ZNF100: variants seen among roughly 807,000 people sequenced by gnomAD.
ZNF100 encodes zinc finger protein 100 (Y1).
ZNF100 carries 12 observed loss-of-function variants against 15.8 expected under a neutral mutation model. The observed-to-expected ratio is 0.76, with a 90% CI of 0.49 to 1.23. The LOEUF (loss-of-function observed/expected upper bound fraction) is 1.23, where lower values mean the gene tolerates loss of function less well. ZNF100 is among the 50% of genes most tolerant of loss of function. ZNF100 has a pLI of 0.00. For synonymous variants in ZNF100, 226 were observed against 214.8 expected (o/e 1.05, Z -0.45); for missense variants, 670 against 635.6 (o/e 1.05, Z -0.58).
In ZNF100 at chr19:21,761,583, T is replaced by A. The variant is rs376713926; in HGVS notation, c.96+4111A>T. Among the ~76,000 whole-genome samples the A allele has an allele frequency of 8.5e-5, 13 of 152,288 alleles. No individual in the cohort carries two copies. In the East Asian group the frequency reaches 2.1e-3, roughly 25 times the overall value. Reference sequence around the variant, plus strand: ...ATTCCTTTTATGAAACAAGGTTCCATCAAACCCAATTTAAAAGGCCTATGT... The same window carrying A: ...ATTCCTTTTATGAAACAAGGTTCCAACAAACCCAATTTAAAAGGCCTATGT... On this transcript the variant is annotated intron_variant, in intron 2 of 4. Coordinates refer to ENST00000358296, the MANE Select transcript of ZNF100 (RefSeq NM_173531.4).
intron 2 of ZNF100, among the ~76,000 whole-genome samples, chr19:21,760,043 G>A (rs192116754): frequency 1.3e-5 from 2 of 151,972 alleles, no homozygotes; most frequent in Non-Finnish European, 2.9e-5. Flanking sequence ...TTAGCTGGGC[G>A]TGGTGGCACA....
chr19:21,723,235 C>G lies in ZNF100; in HGVS notation c.*3448G>C, dbSNP rs1442223053. 2 of 151,670 alleles carry G rather than the reference C, an allele frequency of 1.3e-5. No homozygotes were observed. Among genetic ancestry groups the G allele is most frequent in the African/African-American group, 4.8e-5 (2 of 41,266 alleles). The allele number at this position is 151,670 out of a possible 1,614,324, so 9.4% of individuals were successfully genotyped here. A position where few individuals can be genotyped will look rare whatever the true frequency, so the allele number is the denominator to read the frequency against. On this transcript the variant is annotated 3_prime_UTR_variant, in exon 5 of 5. Coordinates refer to ENST00000358296, the MANE Select transcript of ZNF100 (RefSeq NM_173531.4). ...TTCAGCCAGATGTGGTGGCAGGTGC[C>G]TGTAATCCCAGCTACTTGGGAGGCT...
chr19:21,754,626 C>T (rs965895805), intron 2 of ZNF100, among the ~76,000 whole-genome samples: 1 of 151,976 alleles, frequency 6.6e-6, no homozygotes, highest in African/African-American at 2.4e-5. Context: ...CAAAATTATA[C>T]AAAAATTAAC....
At chr19:21,760,038 T>C (rs1036173459) in intron 2 of ZNF100, among the ~76,000 whole-genome samples, 11 of 151,578 alleles carry the variant, frequency 7.3e-5, no homozygotes, top group African/African-American at 2.4e-4. Context: ...TAAAATTAGC[T>C]GGGCGTGGTG....
intron 4 of ZNF100, among the ~76,000 whole-genome samples, chr19:21,730,445 A>AGAGTGT (rs71178761): frequency 0.059 from 8,774 of 147,666 alleles, 341 homozygotes; most frequent in African/African-American, 0.11. Flanking sequence ...TGATAACCTA[A>AGAGTGT]GTGTGTGTGT....
intron 4 of ZNF100, among the ~76,000 whole-genome samples, chr19:21,737,574 C>G (rs968462541): frequency 2.0e-5 from 3 of 149,018 alleles, no homozygotes; most frequent in African/African-American, 2.5e-5. Flanking sequence ...AAAGGAAATA[C>G]AATCATCAGA....
rs752611445 is a variant in ZNF100, at chr19:21,765,729, CAG to C, written c.59_60del (p.Ala20GlyfsTer11). ...PLKGASGCPG[A>X]ERSLLVQSYF... is the part of the protein sequence containing the mutation. ...TAAGACTGCACCAGAAGACTCCTCT[CAG>C]CCCCAGGGCATCCACTTGCTCCCTT... On this transcript the variant is annotated frameshift_variant, in exon 2 of 5. Transcript: ENST00000358296. LOFTEE classifies it high-confidence loss of function. The C allele has an allele frequency of 2.5e-6, 4 of 1,614,070 alleles. No homozygotes were observed. The highest frequency in any genetic ancestry group is 3.4e-6 in the Non-Finnish European group (4 of 1,180,038).
At chr19:21,751,948 G>A (rs1021526620) in intron 2 of ZNF100, 16 of 462,412 alleles carry the variant, frequency 3.5e-5, no homozygotes, top group African/African-American at 6.0e-5. Flanking sequence ...ATAATGTCAC[G>A]GGACCTTCAT....
chr19:21,760,042 C>T (rs901435910), intron 2 of ZNF100, among the ~76,000 whole-genome samples: 4 of 151,562 alleles, frequency 2.6e-5, no homozygotes, highest in East Asian at 1.9e-4. Context: ...ATTAGCTGGG[C>T]GTGGTGGCAC....
intron 2 of ZNF100, among the ~76,000 whole-genome samples, chr19:21,761,378 T>A (rs574535710): frequency 2.0e-4 from 30 of 152,316 alleles, no homozygotes; most frequent in Non-Finnish European, 3.8e-4. Flanking sequence ...CAGGACACAA[T>A]TAGAGAAACT....
At chr19:21,751,235 G>A in intron 2 of ZNF100, 1 of 1,262,184 alleles carries the variant, frequency 7.9e-7, no homozygotes, top group Non-Finnish European at 1.2e-6. Flanking sequence ...CTAGGTGACA[G>A]AACAGTCAGC....
Position 21,765,781 on chromosome 19 carries a change from G to GTCA in ZNF100, c.6_8dup (p.Asp3dup), listed in dbSNP as rs763931469. The GTCA allele has an allele frequency of 6.2e-6, 10 of 1,613,896 alleles. No individual in the cohort carries two copies. In the South Asian group the frequency reaches 7.7e-5, roughly 12 times the overall value. ...TGAGAGGACACATTCCATACCTCGG[G>GTCA]TCATCCTACGGGAGAAAATAAACCA... On this transcript the variant is annotated inframe_insertion, in exon 2 of 5. Transcript: ENST00000358296.
chr19:21,767,299 G>T (rs556275072), intron 1 of ZNF100, 128 bp downstream of exon 1: 5 of 1,523,466 alleles, frequency 3.3e-6, no homozygotes, highest in African/African-American at 2.7e-5. Flanking sequence ...GGGGACGGAG[G>T]CCGAGCTGGG....
chr19:21,755,904 G>A (rs745872887), intron 2 of ZNF100, among the ~76,000 whole-genome samples: 3 of 152,132 alleles, frequency 2.0e-5, no homozygotes, highest in Non-Finnish European at 4.4e-5. Flanking sequence ...GACACAGAGA[G>A]GGAAACTACA....
At position 21,726,560 on chromosome 19, in the gene ZNF100, T is replaced by C. The variant is rs1386714188; in HGVS notation, c.*123A>G. 177 of 875,900 alleles carry C rather than the reference T, an allele frequency of 2.0e-4. No individual in the cohort carries two copies. The highest frequency in any genetic ancestry group is 2.9e-4 in the Non-Finnish European group (169 of 582,736). The allele number at this position is 875,900 out of a possible 1,614,324, so 54.3% of individuals were successfully genotyped here. A position where few individuals can be genotyped will look rare whatever the true frequency, so the allele number is the denominator to read the frequency against. On this transcript the variant is annotated 3_prime_UTR_variant, in exon 5 of 5. Transcript: ENST00000358296. ...TCTAGTATGAATTATCTTATGTCTGTTAGGAATTGAGAATTTATTAAAGGC... is the reference window on the plus strand; with the variant it reads ...TCTAGTATGAATTATCTTATGTCTGCTAGGAATTGAGAATTTATTAAAGGC...
Position 21,747,440 on chromosome 19 carries a change from G to C in ZNF100, c.97-2373C>G, listed in dbSNP as rs548557628. On this transcript the variant is annotated intron_variant, in intron 2 of 4. Coordinates refer to ENST00000358296, the MANE Select transcript of ZNF100 (RefSeq NM_173531.4). ...TAAGCATTGCCTCTCAAGCTTTAATGAGCTCAAAAATCACTTGGTAATGTT... is the reference window on the plus strand; with the variant it reads ...TAAGCATTGCCTCTCAAGCTTTAATCAGCTCAAAAATCACTTGGTAATGTT... 4.6e-5 allele frequency among the ~76,000 whole-genome samples: 7 copies of C among 151,890 alleles called. No individual in the cohort carries two copies. The East Asian group carries it at 1.4e-3, about 29-fold the overall frequency.
rs1298959404 is a variant in ZNF100 at position 21,724,505 on chromosome 19, C to A, written c.*2178G>T. Reference sequence around the variant, plus strand: ...GAAATGTAGGGATTTTATTATACTTCTACATAACTTTTATTATGACCATAA... The same window carrying A: ...GAAATGTAGGGATTTTATTATACTTATACATAACTTTTATTATGACCATAA... On this transcript the variant is annotated 3_prime_UTR_variant, in exon 5 of 5. Transcript: ENST00000358296. 1 of 152,062 alleles carries A rather than the reference C, an allele frequency of 6.6e-6. No homozygotes were observed. The highest frequency in any genetic ancestry group is 1.5e-5 in the Non-Finnish European group (1 of 68,006). The allele number at this position is 152,062 out of a possible 1,614,324, so 9.4% of individuals were successfully genotyped here.
chr19:21,748,792 C>T (rs1453227874), intron 2 of ZNF100, among the ~76,000 whole-genome samples: 1 of 152,176 alleles, frequency 6.6e-6, no homozygotes, highest in African/African-American at 2.4e-5. Flanking sequence ...GCAAACTCTA[C>T]CTCCTGGGTT....
intron 2 of ZNF100, among the ~76,000 whole-genome samples, chr19:21,754,244 A>AC (rs2145734560): frequency 1.3e-5 from 2 of 152,258 alleles, no homozygotes; most frequent in Non-Finnish European, 2.9e-5. Context: ...CTCAAAAAAA[A>AC]AACAACAAAA....
Sources: allele counts gnomAD v4.1 joint callset (sites outside exome capture counted in the v4.1 genomes callset), GRCh38; gene constraint gnomAD v4.1.1; transcripts MANE v1.5; gene names NCBI Gene and HGNC (gene_info 2026-07-23, HGNC 2026-07-21).